LARP1: variants seen among roughly 807,000 people sequenced by gnomAD.
The protein encoded by LARP1 is la-related protein 1.
LARP1 carries 36 observed loss-of-function variants against 122.7 expected under a neutral mutation model. That is an observed-to-expected ratio of 0.29 (90% CI 0.22 to 0.39). The LOEUF (loss-of-function observed/expected upper bound fraction) is 0.39. Among genes scored for constraint, LARP1 ranks in the 10% least tolerant of loss-of-function variants. The pLI is 1.00. For synonymous variants in LARP1, 539 were observed against 528.7 expected, an observed-to-expected ratio of 1.02 and a Z score of -0.27; for missense variants, 1,040 against 1,403.6, an observed-to-expected ratio of 0.74 and a Z score of 4.14.
At chr5:154,812,437 G>C (rs1031151520) in intron 18 of LARP1, among the ~76,000 whole-genome samples, 1 of 151,404 alleles carries the variant, frequency 6.6e-6, no homozygotes, top group Non-Finnish European at 1.5e-5. Context: ...CTTGGCAGAA[G>C]GGGAAGCAAA....
Position 154,803,502 on chromosome 5 carries a change from C to A in LARP1, c.2234-38C>A, listed in dbSNP as rs747178780. Reference sequence around the variant, plus strand: ...CTATCCTGGGGTGGATGCCACAGGCCTTTCCCTGCTTCCTGACTCCTCTCT... The same window carrying A: ...CTATCCTGGGGTGGATGCCACAGGCATTTCCCTGCTTCCTGACTCCTCTCT... On this transcript the variant is annotated intron_variant, in intron 12 of 18. Transcript: ENST00000518297. The surrounding 1 kb of genome is among the most constrained non-coding windows in gnomAD (Gnocchi z 4.4). The A allele has an allele frequency of 6.2e-7, 1 of 1,614,002 alleles. No individual in the cohort carries two copies. Among genetic ancestry groups the A allele is most frequent in the Non-Finnish European group, 8.5e-7 (1 of 1,179,944 alleles).
At chr5:154,775,566 G>A (rs543520312) in intron 1 of LARP1, among the ~76,000 whole-genome samples, 46 of 151,680 alleles carry the variant, frequency 3.0e-4, no homozygotes, top group South Asian at 1.9e-3. Context: ...GGTTGCAGAT[G>A]GTTCTAGAGC....
At chr5:154,750,430 C>T (rs980167364), upstream of LARP1, among the ~76,000 whole-genome samples, 2 of 151,714 alleles carry the variant, frequency 1.3e-5, no homozygotes, top group Admixed American at 1.3e-4. Context: ...CCACCATGCC[C>T]GGATAATGCT....
intron 1 of LARP1, among the ~76,000 whole-genome samples, chr5:154,766,674 C>G (rs185737712): frequency 6.6e-6 from 1 of 152,192 alleles, no homozygotes; most frequent in Non-Finnish European, 1.5e-5. Context: ...AGTCGGCCCC[C>G]TTCTCCTGGG....
intron 18 of LARP1, among the ~76,000 whole-genome samples, chr5:154,812,695 T>G (rs1284494013): frequency 6.6e-6 from 1 of 151,956 alleles, no homozygotes; most frequent in Non-Finnish European, 1.5e-5. Flanking sequence ...AATTTTTGTA[T>G]TTTTAGTAGA....
chr5:154,759,275 G>T (rs1471665569), intron 1 of LARP1, among the ~76,000 whole-genome samples: 3 of 152,110 alleles, frequency 2.0e-5, no homozygotes, highest in Non-Finnish European at 4.4e-5. Flanking sequence ...CTGGGTCTTG[G>T]TGGGACTTTT....
At chr5:154,776,936 G>A (rs552668655) in intron 1 of LARP1, among the ~76,000 whole-genome samples, 2 of 152,278 alleles carry the variant, frequency 1.3e-5, no homozygotes, top group African/African-American at 2.4e-5. Context: ...ACATACTAAG[G>A]AATATAAATC....
Position 154,755,398 on chromosome 5 carries a change from G to A in LARP1, c.-360G>A, listed in dbSNP as rs1392972630. Among the ~76,000 whole-genome samples the A allele has an allele frequency of 3.3e-5, 5 of 151,122 alleles. No individual in the cohort carries two copies. Among genetic ancestry groups the A allele is most frequent in the Admixed American group, 1.3e-4 (2 of 15,232 alleles). On this transcript the variant is annotated 5_prime_UTR_variant, in exon 1 of 19. Coordinates refer to ENST00000518297, the MANE Select transcript of LARP1 (RefSeq NM_033551.3). ...GTCCGTCCATATTGCTGCAGCCCCC[G>A]AGCCGGGAAGCCCGGGCCGCCCCGG...
chr5:154,698,844 A>G (rs1754589611), intron 1 of LARP1, among the ~76,000 whole-genome samples: 1 of 152,180 alleles, frequency 6.6e-6, no homozygotes, highest in African/African-American at 2.4e-5. Flanking sequence ...CCTAGTTCCA[A>G]AGTCTAAAAT....
intron 1 of LARP1, among the ~76,000 whole-genome samples, chr5:154,747,628 C>T (rs894491896): frequency 1.3e-5 from 2 of 151,930 alleles, no homozygotes; most frequent in Admixed American, 6.6e-5. Context: ...ACCTGGGAGG[C>T]GGAGGTTGCG....
At chr5:154,733,364 T>C (rs956792125) in intron 1 of LARP1, among the ~76,000 whole-genome samples, 1 of 152,142 alleles carries the variant, frequency 6.6e-6, no homozygotes, top group Admixed American at 6.6e-5. Flanking sequence ...ATTTCTATTT[T>C]TTATTTTTGT....
At chr5:154,798,901 G>A (rs976146536) in intron 8 of LARP1, among the ~76,000 whole-genome samples, 1 of 152,044 alleles carries the variant, frequency 6.6e-6, no homozygotes, top group African/African-American at 2.4e-5. Context: ...GTCTCGCCCT[G>A]TCGCCCAGGC....
At chr5:154,704,647 C>CA (rs75268894) in intron 1 of LARP1, among the ~76,000 whole-genome samples, 1,544 of 52,186 alleles carry the variant, frequency 0.03, 23 homozygotes, top group Non-Finnish European at 0.041. Context: ...AACCCTGTCT[C>CA]AAAAAAAAAA....
chr5:154,796,058 A>G (rs1163308000), intron 8 of LARP1, among the ~76,000 whole-genome samples: 1 of 115,346 alleles, frequency 8.7e-6, no homozygotes, highest in African/African-American at 3.5e-5. Context: ...TTTATATATT[A>G]TATATTTATA....
At chr5:154,796,007 A>C (rs1354935160) in intron 8 of LARP1, among the ~76,000 whole-genome samples, 1 of 99,592 alleles carries the variant, frequency 1.0e-5, no homozygotes, top group Non-Finnish European at 1.9e-5. Context: ...TATATATATT[A>C]TATATTTATA....
intron 8 of LARP1, among the ~76,000 whole-genome samples, chr5:154,797,225 T>TG (rs1222704156): frequency 8.0e-5 from 8 of 99,584 alleles, no homozygotes; most frequent in African/African-American, 3.1e-4. Flanking sequence ...GTTGTTGTTT[T>TG]TTTTTTTTTT....
At chr5:154,793,287 G>A (rs986257812) in intron 4 of LARP1, among the ~76,000 whole-genome samples, 5 of 152,116 alleles carry the variant, frequency 3.3e-5, no homozygotes, top group Non-Finnish European at 7.4e-5. Flanking sequence ...TTTGGCACCT[G>A]TCTATAGGGA....
intron 1 of LARP1, among the ~76,000 whole-genome samples, chr5:154,744,290 T>A (rs1301509063): frequency 6.6e-6 from 1 of 152,216 alleles, no homozygotes; most frequent in Non-Finnish European, 1.5e-5. Context: ...CTTCCCTGAC[T>A]ACCTCATTCC....
intron 4 of LARP1, 66 bp downstream of exon 4, chr5:154,792,862 A>T (rs1561609967): frequency 2.0e-6 from 3 of 1,527,614 alleles, no homozygotes; most frequent in Non-Finnish European, 2.7e-6. Context: ...TCAGGACTCC[A>T]GGGGACTGCT....
Sources: gnomAD v4.1 joint callset for allele counts (sites outside exome capture counted in the v4.1 genomes callset) on GRCh38, gnomAD v4.1.1 for gene constraint, Gnocchi (gnomAD v3.1) non-coding constraint, MANE v1.5 for transcripts, NCBI Gene and HGNC (gene_info 2026-07-23, HGNC 2026-07-21) for gene names.